The following CFAP61 variants were observed in gnomAD, a reference collection of about 807,000 sequenced individuals.
The protein encoded by CFAP61 is cilia and flagella associated protein 61.
Under a neutral mutation model 135.6 loss-of-function variants are expected in CFAP61, and 107 were observed. That is an observed-to-expected ratio of 0.79 (90% CI 0.67 to 0.93). The LOEUF is 0.93. Ranked by LOEUF, CFAP61 falls within the 40% of genes least tolerant of loss-of-function variation. The pLI, the probability that CFAP61 is intolerant of heterozygous loss-of-function variation, is 0.00. For missense variants in CFAP61, 1,507 were observed against 1,556.2 expected, an observed-to-expected ratio of 0.97 and a Z score of 0.53; for synonymous variants, 575 against 578.5, an observed-to-expected ratio of 0.99 and a Z score of 0.09.
chr20:20,297,275 T>C (rs2055712313), intron 24 of CFAP61, among the ~76,000 whole-genome samples: 2 of 152,190 alleles, frequency 1.3e-5, no homozygotes, highest in Admixed American at 1.3e-4. Flanking sequence ...ATCCAGGCAG[T>C]TCAAATTGCC....
chr20:20,260,827 T>C (rs1052698543), intron 20 of CFAP61, among the ~76,000 whole-genome samples: 2 of 152,260 alleles, frequency 1.3e-5, no homozygotes, highest in East Asian at 3.8e-4. Flanking sequence ...ATTAAACTGA[T>C]GTAATGTTAC....
At chr20:20,169,729 A>G (rs1484074295) in intron 13 of CFAP61, among the ~76,000 whole-genome samples, 1 of 151,936 alleles carries the variant, frequency 6.6e-6, no homozygotes. Flanking sequence ...GAACAATGTA[A>G]CACAAGAAAC....
At chr20:20,053,870 A>G (rs2043997839) in intron 1 of CFAP61, among the ~76,000 whole-genome samples, 1 of 152,164 alleles carries the variant, frequency 6.6e-6, no homozygotes. Flanking sequence ...TGATTTACCA[A>G]ATGAATCATT....
At chr20:20,337,546 A>G (rs1425814779) in intron 25 of CFAP61, among the ~76,000 whole-genome samples, 134 of 5,206 alleles carry the variant, frequency 0.026, no homozygotes, top group African/African-American at 0.033. Context: ...GGGTGGGTGG[A>G]TGGATGGATG....
rs143032147 is a variant in CFAP61 at position 20,348,038 on chromosome 20, A to C, written c.3513+6117A>C. ...TAAAGACCTTGAATCAATAATCAAA[A>C]ACCTCACACAAAGAAAAGCCCAAGA... On this transcript the variant is annotated intron_variant, in intron 26 of 26. Coordinates refer to ENST00000245957, the MANE Select transcript of CFAP61 (RefSeq NM_015585.4). 2.0e-5 allele frequency among the ~76,000 whole-genome samples: 3 copies of C among 152,276 alleles called. No homozygotes were observed. In the East Asian group the frequency reaches 5.8e-4, roughly 29 times the overall value.
chr20:20,071,049 A>C (rs775382677), intron 3 of CFAP61, 45 bp downstream of exon 3: 1 of 1,585,460 alleles, frequency 6.3e-7, no homozygotes, highest in South Asian at 1.1e-5. Context: ...CTGAATCTTG[A>C]GGGGAAGTCC....
At chr20:20,302,936 T>C (rs976314255) in intron 25 of CFAP61, among the ~76,000 whole-genome samples, 1 of 152,236 alleles carries the variant, frequency 6.6e-6, no homozygotes, top group Non-Finnish European at 1.5e-5. Flanking sequence ...CTTTCAAATA[T>C]AAACTACGTT....
intron 2 of CFAP61, among the ~76,000 whole-genome samples, chr20:20,060,715 C>T (rs2044733919): frequency 6.6e-6 from 1 of 152,206 alleles, no homozygotes; most frequent in Non-Finnish European, 1.5e-5. Context: ...TGGAAAGCAG[C>T]AGAAGTGAGA....
At chr20:20,229,108 A>G (rs2048946026) in intron 18 of CFAP61, among the ~76,000 whole-genome samples, 1 of 152,154 alleles carries the variant, frequency 6.6e-6, no homozygotes, top group Non-Finnish European at 1.5e-5. Context: ...CATCCCCCTC[A>G]AAGCACTAAA....
At chr20:20,331,392 A>G (rs1380681724) in intron 25 of CFAP61, among the ~76,000 whole-genome samples, 1 of 151,324 alleles carries the variant, frequency 6.6e-6, no homozygotes, top group African/African-American at 2.4e-5. Context: ...GTGAAGAAAC[A>G]GTTTGTGGTT....
At chr20:20,063,701 G>A (rs1161610110) in intron 2 of CFAP61, among the ~76,000 whole-genome samples, 1 of 152,148 alleles carries the variant, frequency 6.6e-6, no homozygotes, top group Non-Finnish European at 1.5e-5. Flanking sequence ...AGCTATTGCA[G>A]TAAGGGAAAG....
chr20:20,257,092 TAAAACAGATATCA>T (rs2051672382), intron 20 of CFAP61, among the ~76,000 whole-genome samples: 1 of 151,986 alleles, frequency 6.6e-6, no homozygotes, highest in Non-Finnish European at 1.5e-5. Context: ...AGAATAAAAA[TAAAACAGATATCA>T]AAATTTTTAT....
intron 1 of CFAP61, 55 bp from the exon 2 acceptor site, chr20:20,056,563 G>C: frequency 8.5e-7 from 1 of 1,174,410 alleles, no homozygotes; most frequent in South Asian, 1.4e-5. Flanking sequence ...AATTGAATTA[G>C]TGTTCAGTTT....
intron 23 of CFAP61, among the ~76,000 whole-genome samples, 178 bp from the exon 24 acceptor site, chr20:20,290,122 T>G (rs1469290115): frequency 6.6e-6 from 1 of 152,192 alleles, no homozygotes; most frequent in Admixed American, 6.5e-5. Flanking sequence ...CACATCAATT[T>G]GGTTAAATAA....
chr20:20,245,357 T>C (rs574692331), intron 18 of CFAP61, among the ~76,000 whole-genome samples: 37 of 152,278 alleles, frequency 2.4e-4, no homozygotes, highest in Admixed American at 2.3e-3. Flanking sequence ...GGCCTCACAA[T>C]CATGGTGGAA....
intron 23 of CFAP61, among the ~76,000 whole-genome samples, chr20:20,289,897 T>G (rs1323976767): frequency 1.3e-5 from 2 of 152,230 alleles, no homozygotes; most frequent in Non-Finnish European, 2.9e-5. Flanking sequence ...ATAGTCCTAA[T>G]TAAATTCAAT....
rs114584531 is a variant in CFAP61, at chr20:20,288,783, G to A, written c.2971G>A (p.Glu991Lys). 2.5e-6 allele frequency: 4 copies of A among 1,614,150 alleles called. No homozygotes were observed. In the East Asian group the frequency reaches 6.7e-5, roughly 27 times the overall value. ...TKFSNRYYSNEWTHSNFSSKE... is the reference protein window; with the variant it reads ...TKFSNRYYSNKWTHSNFSSKE... ...ATTCTCCAATAGATACTACTCAAAT[G>A]AGTGGACTCACAGCAACTTCAGTTC... The change falls in exon 23 of 27, where the codon GAG becomes AAG. Residue 991 changes from glutamate (E) to lysine (K), a missense_variant. Coordinates refer to ENST00000245957, the MANE Select transcript of CFAP61 (RefSeq NM_015585.4).
intron 9 of CFAP61, among the ~76,000 whole-genome samples, chr20:20,143,487 T>C (rs2051589701): frequency 6.6e-6 from 1 of 152,206 alleles, no homozygotes; most frequent in Non-Finnish European, 1.5e-5. Context: ...AATTAGTTTT[T>C]TTTAAGTGCA....
rs1555990487 is a variant in CFAP61, at chr20:20,355,986, C to CATG, written c.3514-4224_3514-4223insATG. Among the ~76,000 whole-genome samples the CATG allele has an allele frequency of 6.2e-5, 6 of 96,628 alleles. 1 individual carries two copies. The highest frequency in any genetic ancestry group is 1.9e-4 in the Admixed American group (2 of 10,366). 63.4% of individuals were successfully genotyped at this position (96,628 alleles called of 152,430 possible). A position where few individuals can be genotyped will look rare whatever the true frequency, so the allele number is the denominator to read the frequency against. The stretch of plus-strand genomic sequence containing the variant: ...GGGAGGTGATCACACTGTGAGGGGA[C>CATG]GTCACACTGTGAGGGGAGGTGGTCA... On this transcript the variant is annotated intron_variant, in intron 26 of 26. Transcript: ENST00000245957.
Sources: gnomAD v4.1 joint callset for allele counts (sites outside exome capture counted in the v4.1 genomes callset) on GRCh38, gnomAD v4.1.1 for gene constraint, MANE v1.5 for transcripts, NCBI Gene and HGNC (gene_info 2026-07-23, HGNC 2026-07-21) for gene names.